The following CNTLN variants were observed in gnomAD, a reference collection of about 807,000 sequenced individuals.
CNTLN encodes centlein, also known as centlein, centrosomal protein.
In CNTLN, 212 loss-of-function variants were observed where a neutral mutation model predicts 180.0. That is an observed-to-expected ratio of 1.18 (90% CI 1.05 to 1.32). The LOEUF is 1.32. Ranked by LOEUF, CNTLN falls within the 40% of genes most tolerant of loss-of-function variation. CNTLN has a pLI of 0.00. For missense variants in CNTLN, 2,095 were observed against 1,610.9 expected (o/e 1.30, Z -5.14); for synonymous variants, 722 against 563.1 (o/e 1.28, Z -3.99).
At chr9:17,197,024 A>T (rs1430824185) in intron 2 of CNTLN, among the ~76,000 whole-genome samples, 1 of 152,132 alleles carries the variant, frequency 6.6e-6, no homozygotes, top group African/African-American at 2.4e-5. Flanking sequence ...GGTAATCATC[A>T]TTCTGCTCTC....
chr9:17,516,280 T>C, the CNTLN span, among the ~76,000 whole-genome samples: 3 of 152,136 alleles, frequency 2.0e-5, no homozygotes, highest in African/African-American at 7.2e-5. Flanking sequence ...ACCCATCTCT[T>C]CTATAGACCG....
chr9:17,148,463 T>C (rs1275409532), intron 2 of CNTLN, among the ~76,000 whole-genome samples: 1 of 152,214 alleles, frequency 6.6e-6, no homozygotes, highest in African/African-American at 2.4e-5. Flanking sequence ...TGTTGATTCA[T>C]TGACGTCGAA....
At chr9:17,375,703 G>A (rs1349688510) in intron 13 of CNTLN, among the ~76,000 whole-genome samples, 1 of 151,906 alleles carries the variant, frequency 6.6e-6, no homozygotes, top group Non-Finnish European at 1.5e-5. Flanking sequence ...TATTTAGTTC[G>A]TATCTTTTTT....
chr9:17,528,284 A>G, the CNTLN span, among the ~76,000 whole-genome samples: 2 of 152,198 alleles, frequency 1.3e-5, no homozygotes, highest in African/African-American at 2.4e-5. Context: ...AAGGTTAACA[A>G]TGGTGATAAG....
At chr9:17,297,861 T>G (rs1485186589) in intron 6 of CNTLN, among the ~76,000 whole-genome samples, 3 of 152,242 alleles carry the variant, frequency 2.0e-5, no homozygotes, top group Non-Finnish European at 4.4e-5. Flanking sequence ...TAACTATAGC[T>G]GATCTTACCA....
chr9:17,267,765 T>C (rs534558136), intron 5 of CNTLN, among the ~76,000 whole-genome samples: 1 of 152,188 alleles, frequency 6.6e-6, no homozygotes, highest in African/African-American at 2.4e-5. Flanking sequence ...TCTAAACTTC[T>C]CTTCTCACTT....
intron 2 of CNTLN, among the ~76,000 whole-genome samples, chr9:17,144,440 C>T (rs967243652): frequency 1.3e-5 from 2 of 152,098 alleles, no homozygotes; most frequent in African/African-American, 4.8e-5. Context: ...AATAAGCCTT[C>T]TAGAGAAGCC....
intron 2 of CNTLN, chr9:17,168,067 C>T (rs1820197997): frequency 6.6e-6 from 1 of 152,130 alleles, no homozygotes; most frequent in Admixed American, 6.5e-5. Flanking sequence ...CTGGGAGACA[C>T]ATTATAAAAT....
chr9:17,330,370 T>C (rs962602156), intron 8 of CNTLN, among the ~76,000 whole-genome samples: 2 of 152,034 alleles, frequency 1.3e-5, no homozygotes, highest in African/African-American at 4.8e-5. Context: ...CATGCAGCCA[T>C]GCTTTAAATT....
intron 12 of CNTLN, among the ~76,000 whole-genome samples, chr9:17,358,640 A>G (rs912066979): frequency 6.6e-6 from 1 of 152,168 alleles, no homozygotes; most frequent in Non-Finnish European, 1.5e-5. Context: ...ATTATTTTCC[A>G]TACTTTTTTA....
intron 15 of CNTLN, among the ~76,000 whole-genome samples, chr9:17,406,529 A>G (rs1226564494): frequency 6.6e-6 from 1 of 151,746 alleles, no homozygotes; most frequent in African/African-American, 2.4e-5. Context: ...ATTACTAATG[A>G]TCAATCTATT....
intron 1 of CNTLN, among the ~76,000 whole-genome samples, chr9:17,141,543 A>C (rs1818093837): frequency 6.6e-6 from 1 of 152,154 alleles, no homozygotes; most frequent in Admixed American, 6.5e-5. Flanking sequence ...TATATGGGCC[A>C]GGCCATATGG....
intron 11 of CNTLN, 50 bp downstream of exon 11, chr9:17,340,998 G>T: frequency 6.5e-7 from 1 of 1,538,218 alleles, no homozygotes; most frequent in Non-Finnish European, 8.8e-7. Context: ...AAATGGAATG[G>T]AGTAGCATTA....
intron 5 of CNTLN, among the ~76,000 whole-genome samples, chr9:17,270,285 T>C (rs938309451): frequency 2.6e-5 from 4 of 152,172 alleles, no homozygotes; most frequent in Non-Finnish European, 5.9e-5. Flanking sequence ...AAAATTCTTC[T>C]GTATTCCTAT....
chr9:17,519,739 T>C, the CNTLN span, among the ~76,000 whole-genome samples: 1 of 152,222 alleles, frequency 6.6e-6, no homozygotes, highest in Non-Finnish European at 1.5e-5. Flanking sequence ...ACCAAACTTT[T>C]AGCACATCCA....
chr9:17,348,358 A>G (rs954995736), intron 12 of CNTLN, among the ~76,000 whole-genome samples: 7 of 152,116 alleles, frequency 4.6e-5, no homozygotes, highest in African/African-American at 1.7e-4. Flanking sequence ...CTCTGATGAT[A>G]TCATGCCTGA....
At chr9:17,359,725 C>CAAAAAAAAAAAAAAAAAAAACA (rs1823165256) in intron 12 of CNTLN, among the ~76,000 whole-genome samples, 1 of 21,334 alleles carries the variant, frequency 4.7e-5, no homozygotes, top group Non-Finnish European at 9.9e-5. Flanking sequence ...ACTAAAAATA[C>CAAAAAAAAAAAAAAAAAAAACA]AAAAAAAAAA....
chr9:17,372,289 A>G (rs546367432), intron 13 of CNTLN, among the ~76,000 whole-genome samples: 1 of 152,278 alleles, frequency 6.6e-6, no homozygotes, highest in South Asian at 2.1e-4. Flanking sequence ...ATACTGCAGA[A>G]ATTTAAAGCA....
intron 2 of CNTLN, among the ~76,000 whole-genome samples, chr9:17,168,740 C>T (rs965226082): frequency 6.6e-6 from 1 of 151,978 alleles, no homozygotes; most frequent in African/African-American, 2.4e-5. Flanking sequence ...CTTTATATAC[C>T]ATTTATGATA....
Sources: gnomAD v4.1 joint callset for allele counts (sites outside exome capture counted in the v4.1 genomes callset) on GRCh38, gnomAD v4.1.1 for gene constraint, MANE v1.5 for transcripts, NCBI Gene and HGNC (gene_info 2026-07-23, HGNC 2026-07-21) for gene names.